ASB9: variants seen among roughly 807,000 people sequenced by gnomAD.
ASB9 encodes ankyrin repeat and SOCS box protein 9.
A neutral mutation model predicts 16.6 loss-of-function variants in ASB9; 5 were observed. The observed-to-expected ratio is 0.30, with a 90% CI of 0.16 to 0.63. The LOEUF (loss-of-function observed/expected upper bound fraction) is 0.63, where lower values mean the gene tolerates loss of function less well. Ranked by LOEUF, ASB9 falls within the 30% of genes least tolerant of loss-of-function variation. ASB9 has a pLI of 0.82. For synonymous variants in ASB9, 100 were observed against 86.4 expected (o/e 1.16, Z -0.87); for missense variants, 216 against 229.4 (o/e 0.94, Z 0.38).
At chrX:15,261,875 A>G (rs1372665304) in intron 1 of ASB9, among the ~76,000 whole-genome samples, 1 of 112,205 alleles carries the variant, frequency 8.9e-6, no homozygotes, top group African/African-American at 3.2e-5. Flanking sequence ...TGCAACCAAC[A>G]CCACAATCAA....
rs1924477443 is a variant in ASB9, at chrX:15,244,294, G to A, written c.*212C>T. ...ATGCCTTCTAACTAATAATACAAAC[G>A]TATGCAGTGTCTTTCAACCCTGGCT... On this transcript the variant is annotated 3_prime_UTR_variant, in exon 7 of 7. Coordinates refer to ENST00000380488, the MANE Select transcript of ASB9 (RefSeq NM_001031739.3). 11 of 399,233 alleles carry A rather than the reference G, an allele frequency of 2.8e-5. No individual in the cohort carries two copies. Among genetic ancestry groups the A allele is most frequent in the Admixed American group, 4.8e-5 (1 of 20,977 alleles). The allele number at this position is 399,233 out of a possible 1,213,427, so 32.9% of individuals were successfully genotyped here.
intron 6 of ASB9, among the ~76,000 whole-genome samples, chrX:15,245,884 C>CA (rs1924624135): frequency 9.0e-6 from 1 of 111,665 alleles, no homozygotes; most frequent in East Asian, 2.8e-4. Context: ...CATATACAAT[C>CA]AAAAAAATAC....
intron 3 of ASB9, among the ~76,000 whole-genome samples, chrX:15,254,144 T>C (rs147927758): frequency 0.015 from 1,651 of 111,977 alleles, 18 homozygotes; most frequent in Middle Eastern, 0.032. Context: ...ATGGACAAGG[T>C]TGCTTATGTT....
At chrX:15,261,266 A>G (rs1299721270) in intron 1 of ASB9, among the ~76,000 whole-genome samples, 1 of 112,358 alleles carries the variant, frequency 8.9e-6, no homozygotes. Flanking sequence ...ATCTTGAATG[A>G]GAACAAAGAG....
intron 1 of ASB9, among the ~76,000 whole-genome samples, chrX:15,261,581 TA>T (rs1925967345): frequency 8.9e-6 from 1 of 112,270 alleles, no homozygotes; most frequent in African/African-American, 3.2e-5. Context: ...ATGGGACCAT[TA>T]CTCTTTCTAT....
intron 6 of ASB9, among the ~76,000 whole-genome samples, chrX:15,246,214 G>A (rs999397253): frequency 1.8e-5 from 2 of 111,698 alleles, no homozygotes; most frequent in African/African-American, 6.5e-5. Context: ...GGATGTCACA[G>A]GAAACTCAGT....
In ASB9 at chrX:15,244,452, T is replaced by C; in HGVS notation, c.*54A>G. 1 of 1,144,413 alleles carries C rather than the reference T, an allele frequency of 8.7e-7. No homozygotes were observed. The highest frequency in any genetic ancestry group is 2.2e-5 in the Admixed American group (1 of 45,091). The allele number at this position is 1,144,413 out of a possible 1,213,427, so 94.3% of individuals were successfully genotyped here. ...AACTTGATTTTAAAATTCTAGTGGC[T>C]ACAACACTCAATAATGTTTTCACAT... is the stretch of plus-strand genomic sequence containing the variant. On this transcript the variant is annotated 3_prime_UTR_variant, in exon 7 of 7. Transcript: ENST00000380488.
At chrX:15,252,749 A>G (rs1925225171) in intron 3 of ASB9, among the ~76,000 whole-genome samples, 1 of 112,418 alleles carries the variant, frequency 8.9e-6, no homozygotes, top group African/African-American at 3.2e-5. Flanking sequence ...TAACGGGTGC[A>G]AGAAGATTAC....
chrX:15,265,399 G>A (rs1275125151), intron 1 of ASB9, among the ~76,000 whole-genome samples: 1 of 112,141 alleles, frequency 8.9e-6, no homozygotes, highest in Non-Finnish European at 1.9e-5. Context: ...CCTGCCTTCT[G>A]TTAGTTCCAA....
chrX:15,270,459 C>CATCT (rs1877567487), upstream of ASB9: 1 of 110,649 alleles, frequency 9.0e-6, no homozygotes, highest in Admixed American at 9.7e-5. Flanking sequence ...ACGCCCTGGC[C>CATCT]ATCTGTACAT....
chrX:15,244,969 T>C (rs772229964), intron 6 of ASB9, among the ~76,000 whole-genome samples: 5 of 112,144 alleles, frequency 4.5e-5, no homozygotes, highest in African/African-American at 1.6e-4. Context: ...TGTTTAATGG[T>C]GTTCTTTTAT....
intron 2 of ASB9, among the ~76,000 whole-genome samples, chrX:15,256,923 T>C (rs1925618741): frequency 9.0e-6 from 1 of 111,094 alleles, no homozygotes; most frequent in Non-Finnish European, 1.9e-5. Context: ...CTCACAGTCA[T>C]CACACTTATA....
chrX:15,245,567 A>G (rs1924590998), intron 6 of ASB9, among the ~76,000 whole-genome samples: 1 of 111,811 alleles, frequency 8.9e-6, no homozygotes, highest in Non-Finnish European at 1.9e-5. Flanking sequence ...CAAGAACTCC[A>G]TAAAGCCGTA....
intron 1 of ASB9, among the ~76,000 whole-genome samples, chrX:15,261,599 C>A (rs1295163653): frequency 8.9e-6 from 1 of 112,001 alleles, no homozygotes; most frequent in Non-Finnish European, 1.9e-5. Context: ...CTATTTGGGG[C>A]AAATAAAGAA....
intron 1 of ASB9, among the ~76,000 whole-genome samples, chrX:15,265,759 C>G (rs1926332399): frequency 9.0e-6 from 1 of 110,725 alleles, no homozygotes; most frequent in African/African-American, 3.3e-5. Flanking sequence ...GCCTCGGCCT[C>G]CTAAGTAGCT....
At chrX:15,263,212 T>C (rs1454580592) in intron 1 of ASB9, among the ~76,000 whole-genome samples, 1 of 111,505 alleles carries the variant, frequency 9.0e-6, no homozygotes, top group Non-Finnish European at 1.9e-5. Context: ...CTACTCATCC[T>C]GAGAAACGTT....
chrX:15,265,312 A>G (rs894433338), intron 1 of ASB9, among the ~76,000 whole-genome samples: 18 of 111,938 alleles, frequency 1.6e-4, no homozygotes, highest in African/African-American at 5.8e-4. Context: ...TCCTGCATCC[A>G]AGGCAACTTC....
intron 1 of ASB9, among the ~76,000 whole-genome samples, chrX:15,267,744 AAAAAAAAC>A (rs1926638741): frequency 1.9e-5 from 1 of 51,454 alleles, no homozygotes; most frequent in Admixed American, 2.3e-4. Context: ...ACTCCACTTC[AAAAAAAAC>A]AAAAAAAAAA....
chrX:15,266,703 A>T (rs1035244863), intron 1 of ASB9, among the ~76,000 whole-genome samples: 1 of 111,045 alleles, frequency 9.0e-6, no homozygotes, highest in African/African-American at 3.3e-5. Context: ...TTGGGAGGCC[A>T]AGGTGGGTGG....
Sources: gnomAD v4.1 joint callset for allele counts (sites outside exome capture counted in the v4.1 genomes callset) on GRCh38, gnomAD v4.1.1 for gene constraint, MANE v1.5 for transcripts, NCBI Gene and HGNC (gene_info 2026-07-23, HGNC 2026-07-21) for gene names.